CAMKMT: variants seen among roughly 807,000 people sequenced by gnomAD.
CAMKMT encodes the protein calmodulin-lysine N-methyltransferase, also known as CaM KMT.
A neutral mutation model predicts 48.0 loss-of-function variants in CAMKMT; 53 were observed. The ratio of observed to expected loss-of-function variants is 1.10; its 90% CI spans 0.89 to 1.39. The LOEUF is 1.39. Among genes scored for constraint, CAMKMT ranks in the 40% most tolerant of loss-of-function variants. The pLI is 0.00. For synonymous variants in CAMKMT, 165 were observed against 152.3 expected (o/e 1.08, Z -0.61); for missense variants, 428 against 402.7 (o/e 1.06, Z -0.54).
chr2:44,679,238 C>T (rs1463499882), intron 3 of CAMKMT, among the ~76,000 whole-genome samples: 1 of 152,128 alleles, frequency 6.6e-6, no homozygotes, highest in Non-Finnish European at 1.5e-5. Context: ...TCTTTTGTCC[C>T]TGCCCAAAAC....
chr2:44,718,277 G>T (rs188586997), intron 7 of CAMKMT, among the ~76,000 whole-genome samples: 291 of 152,280 alleles, frequency 1.9e-3, no homozygotes, highest in Non-Finnish European at 3.5e-3. Context: ...TAGTCTGATT[G>T]TAGCTAAATG....
At chr2:44,467,267 C>T (rs1482093895) in intron 3 of CAMKMT, among the ~76,000 whole-genome samples, 2 of 152,110 alleles carry the variant, frequency 1.3e-5, no homozygotes, top group Non-Finnish European at 2.9e-5. Context: ...ACAGGTGGCT[C>T]ACGCCTGTAA....
chr2:44,668,502 C>T (rs72794009), intron 3 of CAMKMT, among the ~76,000 whole-genome samples: 13,783 of 152,288 alleles, frequency 0.091, 847 homozygotes, highest in Non-Finnish European at 0.14. Flanking sequence ...CAAGACCCCT[C>T]TTGACTCCAC....
intron 3 of CAMKMT, among the ~76,000 whole-genome samples, chr2:44,419,622 C>T (rs77071267): frequency 1.3e-5 from 2 of 152,188 alleles, no homozygotes; most frequent in Non-Finnish European, 2.9e-5. Flanking sequence ...CTCTGTCACC[C>T]AGCCTGGAGT....
chr2:44,742,945 T>C (rs1679762281), intron 7 of CAMKMT, among the ~76,000 whole-genome samples: 1 of 152,202 alleles, frequency 6.6e-6, no homozygotes, highest in Non-Finnish European at 1.5e-5. Flanking sequence ...TATGGTAAAA[T>C]GCTAATCATC....
intron 3 of CAMKMT, among the ~76,000 whole-genome samples, chr2:44,430,457 C>T (rs1023904620): frequency 1.3e-5 from 2 of 151,262 alleles, no homozygotes; most frequent in Non-Finnish European, 2.9e-5. Context: ...TAGCTAATGG[C>T]CCCCCTTCAG....
intron 1 of CAMKMT, among the ~76,000 whole-genome samples, chr2:44,370,467 C>T (rs1012850226): frequency 6.6e-6 from 1 of 151,778 alleles, no homozygotes; most frequent in South Asian, 2.1e-4. Flanking sequence ...CATAAATATC[C>T]CTTTATTATT....
chr2:44,533,170 AG>A (rs1430042149), intron 3 of CAMKMT, among the ~76,000 whole-genome samples: 2 of 152,162 alleles, frequency 1.3e-5, no homozygotes, highest in Non-Finnish European at 2.9e-5. Context: ...TACAACTTTA[AG>A]ATGGCAGATA....
chr2:44,392,919 A>T (rs1681485953), intron 3 of CAMKMT, among the ~76,000 whole-genome samples: 1 of 152,078 alleles, frequency 6.6e-6, no homozygotes, highest in African/African-American at 2.4e-5. Flanking sequence ...GAACCAAGAG[A>T]TGGAATTATC....
At chr2:44,693,342 C>T (rs1359891373) in intron 3 of CAMKMT, among the ~76,000 whole-genome samples, 1 of 152,204 alleles carries the variant, frequency 6.6e-6, no homozygotes, top group Non-Finnish European at 1.5e-5. Context: ...GGTCTGGCCC[C>T]TCACCACCCC....
chr2:44,461,667 T>C (rs1437820776), intron 3 of CAMKMT, among the ~76,000 whole-genome samples: 1 of 152,196 alleles, frequency 6.6e-6, no homozygotes, highest in Non-Finnish European at 1.5e-5. Context: ...AATAAGTGAG[T>C]GTAAATGACT....
At chr2:44,531,113 C>T (rs1195927333) in intron 3 of CAMKMT, among the ~76,000 whole-genome samples, 2 of 151,936 alleles carry the variant, frequency 1.3e-5, no homozygotes, top group Non-Finnish European at 2.9e-5. Context: ...GATAATTCTT[C>T]CCTTCCTGGA....
chr2:44,412,458 C>T (rs1683274887), intron 3 of CAMKMT, among the ~76,000 whole-genome samples: 1 of 152,144 alleles, frequency 6.6e-6, no homozygotes, highest in African/African-American at 2.4e-5. Flanking sequence ...GCCTCGGCTT[C>T]CCGAGTGGCT....
chr2:44,638,671 A>C (rs1172645998), intron 3 of CAMKMT, among the ~76,000 whole-genome samples: 1 of 152,236 alleles, frequency 6.6e-6, no homozygotes, highest in Non-Finnish European at 1.5e-5. Flanking sequence ...GTAAAATTAC[A>C]TGGTATTTTG....
chr2:44,363,285 T>G (rs985705091), intron 1 of CAMKMT, among the ~76,000 whole-genome samples: 2 of 152,152 alleles, frequency 1.3e-5, no homozygotes, highest in Non-Finnish European at 2.9e-5. Context: ...ATAGGAAGTA[T>G]CTATAATAAA....
intron 2 of CAMKMT, among the ~76,000 whole-genome samples, chr2:44,376,664 C>T (rs113340575): frequency 6.7e-4 from 102 of 152,144 alleles, no homozygotes; most frequent in African/African-American, 2.2e-3. Flanking sequence ...GTGAATACCC[C>T]CAAGAGGGTT....
At chr2:44,621,178 G>A (rs1395988708) in intron 3 of CAMKMT, among the ~76,000 whole-genome samples, 2 of 148,608 alleles carry the variant, frequency 1.3e-5, no homozygotes, top group Non-Finnish European at 3.0e-5. Context: ...TGAGGCAGGA[G>A]AATGGCGCCA....
At chr2:44,671,906 T>G (rs1675353010) in intron 3 of CAMKMT, among the ~76,000 whole-genome samples, 1 of 152,142 alleles carries the variant, frequency 6.6e-6, no homozygotes, top group African/African-American at 2.4e-5. Flanking sequence ...AGGACACACT[T>G]CAGATTCTTT....
intron 3 of CAMKMT, among the ~76,000 whole-genome samples, chr2:44,697,655 G>A (rs900475538): frequency 1.8e-4 from 28 of 152,036 alleles, no homozygotes; most frequent in Non-Finnish European, 2.8e-4. Context: ...AAATCAACTG[G>A]GGAGTGATCT....
Sources: gnomAD v4.1 joint callset for allele counts (sites outside exome capture counted in the v4.1 genomes callset) on GRCh38, gnomAD v4.1.1 for gene constraint, MANE v1.5 for transcripts, NCBI Gene and HGNC (gene_info 2026-07-23, HGNC 2026-07-21) for gene names.